FTCD: variants seen among roughly 807,000 people sequenced by gnomAD.
FTCD encodes the protein formimidoyltransferase-cyclodeaminase.
Under a neutral mutation model 62.9 loss-of-function variants are expected in FTCD, and 76 were observed. The ratio of observed to expected loss-of-function variants is 1.21; its 90% confidence interval spans 1.00 to 1.46. The LOEUF (loss-of-function observed/expected upper bound fraction) is 1.46. Among genes scored for constraint, FTCD ranks in the 40% most tolerant of loss-of-function variants. FTCD has a pLI of 0.00. For missense variants in FTCD, 845 were observed against 751.3 expected, an observed-to-expected ratio of 1.12 and a Z score of -1.46; for synonymous variants, 397 against 336.9, an observed-to-expected ratio of 1.18 and a Z score of -1.95.
chr21:46,151,511 T>C, intron 5 of FTCD, 47 bp downstream of exon 5: 1 of 1,547,704 alleles, frequency 6.5e-7, no homozygotes, highest in Non-Finnish European at 8.9e-7. Context: ...TCTAACCCTT[T>C]CCCGAGGGGC....
chr21:46,154,165 G>A lies in FTCD; in HGVS notation c.222C>T (p.Asp74=). 1 of 1,612,856 alleles carries A rather than the reference G, an allele frequency of 6.2e-7. No individual in the cohort carries two copies. Among genetic ancestry groups the A allele is most frequent in the South Asian group, 1.1e-5 (1 of 91,088 alleles). Residue 74 remains aspartate (D), a synonymous_variant, in exon 2 of 14, where the codon GAC becomes GAT. Coordinates refer to ENST00000397746, the MANE Select transcript of FTCD (RefSeq NM_206965.2). The stretch of plus-strand genomic sequence containing the variant: ...AGACCTCACCTTGGTGCCTGCTCAT[G>A]TCGATAAGTCGGGAAGCTACCCGGG... ...NAARVASRLI[D]MSRHQGEHPR...
intron 7 of FTCD, among the ~76,000 whole-genome samples, chr21:46,147,232 G>A (rs555859435): frequency 3.9e-5 from 6 of 152,080 alleles, no homozygotes; most frequent in East Asian, 1.9e-4. Context: ...ACAGCCACCC[G>A]CCAGAGGAAA....
chr21:46,136,347 C>A, downstream of FTCD: 1 of 1,257,478 alleles, frequency 8.0e-7, no homozygotes. Flanking sequence ...GAGGAAAAGT[C>A]TCCCAGGAGC....
rs369544006 is a variant in FTCD, at chr21:46,155,476, G to C, written c.48C>G (p.Asn16Lys). 9.9e-6 allele frequency: 16 copies of C among 1,612,718 alleles called. No homozygotes were observed. The East Asian group carries it at 3.1e-4, about 31-fold the overall frequency. ...ECVPNFSEGK[N>K]QEVIDAISGA... ...CCAGCTCCTCGGGCCTCACCTCCTG[G>C]TTCTTCCCCTCCGAAAAGTTGGGGA... The change falls in exon 1 of 14, where the codon AAC becomes AAG. Residue 16 changes from asparagine to lysine, a missense_variant. Coordinates refer to ENST00000397746, the MANE Select transcript of FTCD (RefSeq NM_206965.2).
chr21:46,136,739 T>TCTCAGCC (rs1601284827), downstream of FTCD: 5 of 1,484,904 alleles, frequency 3.4e-6, no homozygotes, highest in East Asian at 1.2e-4. Context: ...GCAGCTCAGC[T>TCTCAGCC]CTCAGCCCTG....
chr21:46,139,501 C>A (rs550450585), intron 10 of FTCD, among the ~76,000 whole-genome samples: 1 of 152,328 alleles, frequency 6.6e-6, no homozygotes, highest in Admixed American at 6.5e-5. Context: ...CAAGGACCCA[C>A]TGGGAGCCCT....
intron 2 of FTCD, among the ~76,000 whole-genome samples, chr21:46,153,236 G>A (rs774707526): frequency 2.9e-4 from 44 of 152,314 alleles, no homozygotes; most frequent in Middle Eastern, 6.8e-3. Context: ...CAGCCCTCCC[G>A]GGACAACGGA....
intron 8 of FTCD, 106 bp from the exon 9 acceptor site, chr21:46,146,053 T>G: frequency 2.6e-6 from 2 of 756,732 alleles, no homozygotes; most frequent in Admixed American, 5.7e-5. Context: ...CACGGGGAGG[T>G]GACCACTCGG....
chr21:46,154,200 G>A lies in FTCD; in HGVS notation c.187C>T (p.Leu63Phe). The A allele has an allele frequency of 1.2e-6, 2 of 1,612,808 alleles. No homozygotes were observed. The highest frequency in any genetic ancestry group is 1.7e-6 in the Non-Finnish European group (2 of 1,179,976). Residue 63 changes from leucine to phenylalanine, a missense_variant, in exon 2 of 14, where the codon CTC (leucine) becomes TTC (phenylalanine). Leu to Phe is a conservative substitution (Grantham distance 22). Coordinates refer to ENST00000397746, the MANE Select transcript of FTCD (RefSeq NM_206965.2). ...GPPECVVEGA[L>F]NAARVASRLI... ...CGGGAAGCTACCCGGGCAGCGTTGA[G>A]GGCCCCCTCCACCACGCACTCCGGC...
intron 10 of FTCD, among the ~76,000 whole-genome samples, chr21:46,139,619 A>G (rs2078950267): frequency 6.6e-6 from 1 of 152,146 alleles, no homozygotes; most frequent in African/African-American, 2.4e-5. Flanking sequence ...GTCATCATCA[A>G]CAGCCCCTAC....
At chr21:46,147,449 C>A (rs780305828) in intron 7 of FTCD, among the ~76,000 whole-genome samples, 1 of 152,218 alleles carries the variant, frequency 6.6e-6, no homozygotes, top group Non-Finnish European at 1.5e-5. Context: ...AGCGCCAGCA[C>A]AAACCCTCCT....
At chr21:46,154,915 G>A (rs181402760) in intron 1 of FTCD, among the ~76,000 whole-genome samples, 176 of 152,356 alleles carry the variant, frequency 1.2e-3, no homozygotes, top group African/African-American at 3.9e-3. Flanking sequence ...TGGCCCTTAG[G>A]GCCTGCGTTT....
rs1235977345 is a variant in FTCD, at chr21:46,145,887, G to A, written c.1029C>T (p.Phe343=). The part of the protein sequence containing the change: ...RGLGSKSLRA[F]VGEVGARSAA... ...CAGAGCGGGCACCCACCTCCCCCACGAAGGCGCGCAGGGACTTGCTGCCCA... is the reference window on the plus strand; with the variant it reads ...CAGAGCGGGCACCCACCTCCCCCACAAAGGCGCGCAGGGACTTGCTGCCCA... The change falls in exon 9 of 14, where the codon TTC becomes TTT. Residue 343 remains phenylalanine (F), a synonymous_variant. Transcript: ENST00000397746. 4.2e-6 allele frequency: 6 copies of A among 1,424,680 alleles called. No individual in the cohort carries two copies. In the African/African-American group the frequency reaches 8.5e-5, roughly 20 times the overall value. 88.3% of individuals were successfully genotyped at this position (1,424,680 alleles called of 1,614,324 possible).
downstream of FTCD, chr21:46,136,377 G>T (rs558753501): frequency 6.6e-6 from 10 of 1,509,202 alleles, no homozygotes; most frequent in Non-Finnish European, 9.2e-6. Context: ...AAGGGTGGAC[G>T]GGAACTGAGG....
intron 12 of FTCD, among the ~76,000 whole-genome samples, chr21:46,137,735 A>G (rs1454268327): frequency 6.6e-6 from 1 of 152,110 alleles, no homozygotes; most frequent in Non-Finnish European, 1.5e-5. Flanking sequence ...TGCTGAAAAG[A>G]GGCGTCTTTC....
At chr21:46,148,238 A>G (rs1216953944) in intron 7 of FTCD, among the ~76,000 whole-genome samples, 1 of 152,202 alleles carries the variant, frequency 6.6e-6, no homozygotes, top group Non-Finnish European at 1.5e-5. Context: ...TTGGCAAGTG[A>G]CGGGTCCACG....
At chr21:46,146,167 G>T in intron 8 of FTCD, 99 bp downstream of exon 8, 2 of 896,684 alleles carry the variant, frequency 2.2e-6, no homozygotes, top group Non-Finnish European at 3.6e-6. Flanking sequence ...GCGCTGGGAG[G>T]ACTCAGCCGG....
rs764926917 is a variant in FTCD, at chr21:46,145,994, G to A, written c.969-47C>T. The A allele has an allele frequency of 5.2e-5, 62 of 1,202,400 alleles. 3 individuals are homozygous for A. In the Middle Eastern group the frequency reaches 5.5e-3, roughly 107 times the overall value. 74.5% of individuals were successfully genotyped at this position (1,202,400 alleles called of 1,614,324 possible). On this transcript the variant is annotated intron_variant, in intron 8 of 13. Coordinates refer to ENST00000397746, the MANE Select transcript of FTCD (RefSeq NM_206965.2). ...GCGGGTCTGGCCGGGGTTGGTGGGG[G>A]GAGCGCAGTCCTCCCGGGGCGGCCC...
Position 46,146,313 on chromosome 21 carries a change from C to T in FTCD, c.921G>A (p.Leu307=). The change falls in exon 8 of 14, where the codon CTG becomes CTA. Residue 307 remains leucine (L), a synonymous_variant. Transcript: ENST00000397746. ...TGAAGGGGCACAGGGAGTCCAGGCC[C>T]AGCCGGCTCACCACCTGGAAAAGGG... ...EQRIRLVVSR[L]GLDSLCPFSP... 1 of 1,603,022 alleles carries T rather than the reference C, an allele frequency of 6.2e-7. No individual in the cohort carries two copies. The highest frequency in any genetic ancestry group is 1.3e-5 in the African/African-American group (1 of 74,812).
Sources: gnomAD v4.1 joint callset for allele counts (sites outside exome capture counted in the v4.1 genomes callset) on GRCh38, gnomAD v4.1.1 for gene constraint, MANE v1.5 for transcripts, NCBI Gene and HGNC (gene_info 2026-07-23, HGNC 2026-07-21) for gene names.